Variants in GALNT17 observed in about 807,000 individuals in gnomAD.
GALNT17 encodes the protein polypeptide N-acetylgalactosaminyltransferase 17.
GALNT17 carries 29 observed loss-of-function variants against 63.7 expected under a neutral mutation model. The ratio of observed to expected loss-of-function variants is 0.46; its 90% CI spans 0.34 to 0.62. The LOEUF (loss-of-function observed/expected upper bound fraction) is 0.62, where lower values mean the gene tolerates loss of function less well. Among genes scored for constraint, GALNT17 ranks in the 20% least tolerant of loss-of-function variants. The pLI is 0.01. For synonymous variants in GALNT17, 305 were observed against 318.3 expected, an observed-to-expected ratio of 0.96 and a Z score of 0.45; for missense variants, 603 against 799.6, an observed-to-expected ratio of 0.75 and a Z score of 2.97.
At chr7:71,395,337 A>C (rs1793119386) in intron 3 of GALNT17, among the ~76,000 whole-genome samples, 1 of 152,126 alleles carries the variant, frequency 6.6e-6, no homozygotes, top group East Asian at 1.9e-4. Flanking sequence ...AATCTACAAC[A>C]TGTGGCCTTT....
At chr7:71,246,348 C>T (rs990260253) in intron 1 of GALNT17, among the ~76,000 whole-genome samples, 3 of 151,396 alleles carry the variant, frequency 2.0e-5, no homozygotes, top group Non-Finnish European at 4.4e-5. Flanking sequence ...GTTTCAAACT[C>T]CTGACCTCAA....
chr7:71,582,945 G>A (rs57297412), intron 6 of GALNT17, among the ~76,000 whole-genome samples: 38,176 of 152,010 alleles, frequency 0.25, 4,901 homozygotes, highest in Admixed American at 0.27. Context: ...AAACACCCCC[G>A]TTCCCCAATA....
At chr7:71,657,323 G>A (rs1187756944) in intron 6 of GALNT17, among the ~76,000 whole-genome samples, 3 of 152,152 alleles carry the variant, frequency 2.0e-5, no homozygotes, top group Admixed American at 1.3e-4. Context: ...AGTAGTATGT[G>A]CATGTACTGA....
chr7:71,235,438 A>G (rs1364676591), intron 1 of GALNT17, among the ~76,000 whole-genome samples: 1 of 152,160 alleles, frequency 6.6e-6, no homozygotes, highest in Non-Finnish European at 1.5e-5. Context: ...TGACTCGGAT[A>G]GAATTACTGC....
At chr7:71,547,649 G>A (rs569128028) in intron 5 of GALNT17, among the ~76,000 whole-genome samples, 19 of 152,178 alleles carry the variant, frequency 1.2e-4, no homozygotes, top group Admixed American at 5.9e-4. Context: ...AGTGAAACCC[G>A]CACTGAGAGA....
rs552262492 is a variant in GALNT17, at chr7:71,539,702, C to T, written c.963-31583C>T. 1.9e-3 allele frequency among the ~76,000 whole-genome samples: 261 copies of T among 135,728 alleles called. 2 individuals are homozygous for T. Among genetic ancestry groups the T allele is most frequent in the African/African-American group, 6.7e-3 (241 of 35,924 alleles). 89.0% of individuals were successfully genotyped at this position (135,728 alleles called of 152,430 possible). A position where few individuals can be genotyped will look rare whatever the true frequency, so the allele number is the denominator to read the frequency against. On this transcript the variant is annotated intron_variant, in intron 5 of 10. Coordinates refer to ENST00000333538, the MANE Select transcript of GALNT17 (RefSeq NM_022479.3). ...CACATATCTATTTCAGGAGTTTAGTCCCACCTTTTTTTTTTTTTTTTTTTT... is the reference window on the plus strand; with the variant it reads ...CACATATCTATTTCAGGAGTTTAGTTCCACCTTTTTTTTTTTTTTTTTTTT...
chr7:71,324,716 A>C (rs1162729093), intron 1 of GALNT17, among the ~76,000 whole-genome samples: 1 of 151,828 alleles, frequency 6.6e-6, no homozygotes, highest in Non-Finnish European at 1.5e-5. Flanking sequence ...TATTATATTT[A>C]TTAATTTAAT....
chr7:71,548,854 A>G (rs1265938562), intron 5 of GALNT17, among the ~76,000 whole-genome samples: 1 of 152,188 alleles, frequency 6.6e-6, no homozygotes, highest in African/African-American at 2.4e-5. Flanking sequence ...GTTTCCATAG[A>G]GTCTTGTTTA....
At chr7:71,571,507 C>T in intron 6 of GALNT17, 105 bp downstream of exon 6, 1 of 897,476 alleles carries the variant, frequency 1.1e-6, no homozygotes, top group Non-Finnish European at 1.8e-6. Context: ...TGATGAATGA[C>T]AGATTCATTT....
At chr7:71,455,676 A>G (rs1428536947) in intron 5 of GALNT17, among the ~76,000 whole-genome samples, 1 of 152,176 alleles carries the variant, frequency 6.6e-6, no homozygotes, top group East Asian at 1.9e-4. Flanking sequence ...TCTCATGCTC[A>G]TAGTCCACAC....
chr7:71,175,380 TATC>T (rs1788619442), intron 1 of GALNT17, among the ~76,000 whole-genome samples: 1 of 152,278 alleles, frequency 6.6e-6, no homozygotes, highest in Non-Finnish European at 1.5e-5. Context: ...TATTTATTTC[TATC>T]ATCTGTCAAT....
intron 1 of GALNT17, among the ~76,000 whole-genome samples, chr7:71,209,055 C>G (rs924771405): frequency 2.6e-5 from 4 of 152,198 alleles, no homozygotes; most frequent in African/African-American, 9.7e-5. Context: ...TGAAAGCAGG[C>G]ATAGACACCT....
At chr7:71,357,960 G>C (rs908363028) in intron 2 of GALNT17, among the ~76,000 whole-genome samples, 1 of 152,130 alleles carries the variant, frequency 6.6e-6, no homozygotes, top group Admixed American at 6.6e-5. Flanking sequence ...CACTCTGATT[G>C]GACAGAAATG....
At chr7:71,164,413 A>G (rs1455803662) in intron 1 of GALNT17, among the ~76,000 whole-genome samples, 1 of 152,250 alleles carries the variant, frequency 6.6e-6, no homozygotes, top group Non-Finnish European at 1.5e-5. Context: ...TCATGAGAAC[A>G]GCAAGGGAGA....
intron 1 of GALNT17, among the ~76,000 whole-genome samples, chr7:71,137,843 CAA>C (rs1008738598): frequency 6.6e-6 from 1 of 152,150 alleles, no homozygotes; most frequent in African/African-American, 2.4e-5. Flanking sequence ...AGCCTTGAAA[CAA>C]TGCAGAGATT....
chr7:71,234,527 G>C (rs577723364), intron 1 of GALNT17, among the ~76,000 whole-genome samples: 1 of 152,136 alleles, frequency 6.6e-6, no homozygotes, highest in African/African-American at 2.4e-5. Context: ...GCCTCCCAAA[G>C]TGTTAAGATT....
At chr7:71,662,695 G>A (rs1790926893) in intron 6 of GALNT17, among the ~76,000 whole-genome samples, 1 of 152,132 alleles carries the variant, frequency 6.6e-6, no homozygotes, top group African/African-American at 2.4e-5. Context: ...GTTGTAGCAT[G>A]TATCAACATT....
At chr7:71,449,640 T>G (rs1234404932) in intron 5 of GALNT17, among the ~76,000 whole-genome samples, 2 of 152,200 alleles carry the variant, frequency 1.3e-5, no homozygotes, top group African/African-American at 4.8e-5. Context: ...TCTAATTTAC[T>G]CTGAGTTTTT....
chr7:71,692,292 G>A lies in GALNT17; in HGVS notation c.1500+14986G>A, dbSNP rs547765892. On this transcript the variant is annotated intron_variant, in intron 9 of 10. Transcript: ENST00000333538. ...AAAAACACAAATTTAAATCATCCAT[G>A]GTCCTGCCACCCTACAACAACTATT... Among the ~76,000 whole-genome samples, 14 of 152,126 alleles carry A rather than the reference G, an allele frequency of 9.2e-5. No homozygotes were observed. In the East Asian group the frequency reaches 2.7e-3, roughly 29 times the overall value.
Sources: allele counts gnomAD v4.1 joint callset (sites outside exome capture counted in the v4.1 genomes callset), GRCh38; gene constraint gnomAD v4.1.1; transcripts MANE v1.5; gene names NCBI Gene and HGNC (gene_info 2026-07-23, HGNC 2026-07-21).